The following ADAMTS15 variants were observed in gnomAD, a reference collection of about 807,000 sequenced individuals.
The protein encoded by ADAMTS15 is A disintegrin and metalloproteinase with thrombospondin motifs 15.
Under a neutral mutation model 79.1 loss-of-function variants are expected in ADAMTS15, and 35 were observed. The ratio of observed to expected loss-of-function variants is 0.44; its 90% CI spans 0.34 to 0.59. The LOEUF (loss-of-function observed/expected upper bound fraction) is 0.59. Among genes scored for constraint, ADAMTS15 ranks in the 20% least tolerant of loss-of-function variants. The pLI, the probability that ADAMTS15 is intolerant of heterozygous loss-of-function variation, is 0.02. For missense variants in ADAMTS15, 1,324 were observed against 1,318.7 expected, an observed-to-expected ratio of 1.00 and a Z score of -0.06; for synonymous variants, 616 against 567.3, an observed-to-expected ratio of 1.09 and a Z score of -1.22.
At chr11:130,459,986 GTAA>G (rs1938165295) in intron 1 of ADAMTS15, among the ~76,000 whole-genome samples, 1 of 152,220 alleles carries the variant, frequency 6.6e-6, no homozygotes, top group South Asian at 2.1e-4. Context: ...GAAGGTGGTA[GTAA>G]TAGTCGTTAT....
chr11:130,473,318 C>G lies in ADAMTS15; in HGVS notation c.2350C>G (p.Leu784Val). 1 of 1,613,102 alleles carries G rather than the reference C, an allele frequency of 6.2e-7. No individual in the cohort carries two copies. Among genetic ancestry groups the G allele is most frequent in the Non-Finnish European group, 8.5e-7 (1 of 1,179,998 alleles). Residue 784 changes from leucine to valine, a missense_variant, in exon 8 of 8, where the codon CTC becomes GTC. By Grantham distance (32) the Leu-to-Val change is conservative (BLOSUM62 1). Coordinates refer to ENST00000299164, the MANE Select transcript of ADAMTS15 (RefSeq NM_139055.4). ...PILEPLTVEVLSVGKMTPPRV... is the reference protein window; with the variant it reads ...PILEPLTVEVVSVGKMTPPRV... ...CCTGGAGCCGCTGACCGTGGAGGTCCTCTCCGTGGGGAAGATGACACCGCC... is the reference window on the plus strand; with the variant it reads ...CCTGGAGCCGCTGACCGTGGAGGTCGTCTCCGTGGGGAAGATGACACCGCC...
intron 1 of ADAMTS15, among the ~76,000 whole-genome samples, chr11:130,456,559 C>T (rs1171077892): frequency 6.6e-6 from 1 of 152,128 alleles, no homozygotes; most frequent in Non-Finnish European, 1.5e-5. Flanking sequence ...TTGGGCTGGA[C>T]AAGGAAATAC....
At chr11:130,469,135 A>G (rs903530569) in intron 4 of ADAMTS15, 127 bp from the exon 5 acceptor site, 5 of 940,860 alleles carry the variant, frequency 5.3e-6, no homozygotes, top group African/African-American at 1.7e-5. Flanking sequence ...TTCATGATAC[A>G]ACATTAATTT....
chr11:130,464,515 C>T (rs1384782156), intron 4 of ADAMTS15, among the ~76,000 whole-genome samples: 2 of 152,204 alleles, frequency 1.3e-5, no homozygotes, highest in African/African-American at 4.8e-5. Flanking sequence ...ATTACTCCCT[C>T]TGGGTTTTGG....
At chr11:130,451,352 A>C in intron 1 of ADAMTS15, among the ~76,000 whole-genome samples, 1 of 152,138 alleles carries the variant, frequency 6.6e-6, no homozygotes, top group East Asian at 1.9e-4. Context: ...CCCTTCCTGG[A>C]GTCGAACTTC....
rs1332720604 is a variant in ADAMTS15, at chr11:130,462,603, C to T, written c.1365C>T (p.Gly455=). ...SQQCELAFGV[G]SKPCPYMQYC... ...AGTGCGAGCTGGCTTTTGGCGTGGG[C>T]TCCAAGCCCTGTCCTTACATGCAGT... Residue 455 remains glycine, a synonymous_variant, in exon 4 of 8, where the codon GGC becomes GGT. Transcript: ENST00000299164. The surrounding 1 kb of genome is among the most constrained non-coding windows in gnomAD (Gnocchi z 4.3). 1.2e-6 allele frequency: 2 copies of T among 1,613,900 alleles called. No homozygotes were observed. The highest frequency in any genetic ancestry group is 1.7e-6 in the Non-Finnish European group (2 of 1,179,910).
intron 1 of ADAMTS15, among the ~76,000 whole-genome samples, chr11:130,458,536 G>C (rs1938134536): frequency 6.6e-6 from 1 of 151,400 alleles, no homozygotes; most frequent in Non-Finnish European, 1.5e-5. Context: ...TAACCTACAG[G>C]GCCAGAAGGG....
intron 4 of ADAMTS15, among the ~76,000 whole-genome samples, chr11:130,466,735 A>G (rs571369858): frequency 1.3e-5 from 2 of 152,330 alleles, no homozygotes; most frequent in Non-Finnish European, 2.9e-5. Context: ...TTCTCTGCTC[A>G]GCACCCTTTA....
intron 1 of ADAMTS15, among the ~76,000 whole-genome samples, chr11:130,458,460 A>G (rs1428788237): frequency 6.6e-6 from 1 of 152,226 alleles, no homozygotes. Context: ...CAACTACATG[A>G]CTTGGGTCAG....
chr11:130,467,091 C>T (rs1277705861), intron 4 of ADAMTS15, among the ~76,000 whole-genome samples: 2 of 152,166 alleles, frequency 1.3e-5, no homozygotes, highest in Admixed American at 6.5e-5. Flanking sequence ...GTGAATGGCA[C>T]AGGGCGGGAG....
At chr11:130,469,174 G>A in intron 4 of ADAMTS15, 88 bp from the exon 5 acceptor site, 7 of 1,199,766 alleles carry the variant, frequency 5.8e-6, no homozygotes, top group Non-Finnish European at 7.6e-6. Context: ...TGAGAACTTG[G>A]AGGCTGTACA....
chr11:130,467,921 A>C (rs893990353), intron 4 of ADAMTS15, among the ~76,000 whole-genome samples: 3 of 152,304 alleles, frequency 2.0e-5, no homozygotes, highest in Admixed American at 1.3e-4. Context: ...ACTTTCTCAA[A>C]TACAGCCCCT....
rs768710834 is a variant in ADAMTS15 at position 130,449,027 on chromosome 11, C to G, written c.54C>G (p.Gly18=). 1 of 1,525,522 alleles carries G rather than the reference C, an allele frequency of 6.6e-7. No homozygotes were observed. The allele number at this position is 1,525,522 out of a possible 1,614,324, so 94.5% of individuals were successfully genotyped here. The change falls in exon 1 of 8, where the codon GGC becomes GGG. Residue 18 remains glycine (G), a synonymous_variant. Coordinates refer to ENST00000299164, the MANE Select transcript of ADAMTS15 (RefSeq NM_139055.4). This position sits in a 1 kb window ranked among gnomAD's most constrained non-coding sequence, Gnocchi z 7.8. ...TLAFAGRTAG[G]SEPEREVVVP... ...CTTTCGCCGGGCGAACCGCTGGAGG[C>G]TCTGAGCCAGAGCGGGAGGTAGTCG... is the stretch of plus-strand genomic sequence containing the variant.
chr11:130,455,840 C>CGGT (rs1414621855), intron 1 of ADAMTS15, among the ~76,000 whole-genome samples: 5 of 152,164 alleles, frequency 3.3e-5, no homozygotes, highest in Admixed American at 6.5e-5. Context: ...GTGGCGCAGA[C>CGGT]GGTGCACTCA....
chr11:130,451,846 G>A, intron 1 of ADAMTS15, among the ~76,000 whole-genome samples: 1 of 152,208 alleles, frequency 6.6e-6, no homozygotes. Context: ...TCAGTGGTGT[G>A]TGCTCAACCC....
At chr11:130,469,531 TCC>T in intron 5 of ADAMTS15, 92 bp downstream of exon 5, 3 of 1,023,162 alleles carry the variant, frequency 2.9e-6, no homozygotes, top group Non-Finnish European at 3.8e-6. Flanking sequence ...ATGCATGGCC[TCC>T]AGGTAATTGG....
At chr11:130,469,486 C>A in intron 5 of ADAMTS15, 47 bp downstream of exon 5, 1 of 1,284,578 alleles carries the variant, frequency 7.8e-7, no homozygotes, top group Non-Finnish European at 9.9e-7. Context: ...GGAGGTGAGG[C>A]TGGAGGTCCC....
chr11:130,460,772 G>T (rs1938182508), intron 1 of ADAMTS15, among the ~76,000 whole-genome samples: 1 of 152,198 alleles, frequency 6.6e-6, no homozygotes, highest in Non-Finnish European at 1.5e-5. Context: ...TTCTGCTGGA[G>T]GCCCTAGGTT....
chr11:130,473,527 G>A lies in ADAMTS15; in HGVS notation c.2559G>A (p.Ala853=), dbSNP rs372169283. 2.9e-5 allele frequency: 47 copies of A among 1,607,608 alleles called. No homozygotes were observed. The Admixed American group carries it at 4.3e-4, about 15-fold the overall frequency. Residue 853 remains alanine (A), a synonymous_variant, in exon 8 of 8, where the codon GCG becomes GCA. Coordinates refer to ENST00000299164, the MANE Select transcript of ADAMTS15 (RefSeq NM_139055.4). ...CTGGCAGCTGGGGGCCGTGCTCCGC[G>A]AGCTGCGGCAGTGGCCTGCAGAAGC... The part of the protein sequence containing the change: ...WVAGSWGPCS[A]SCGSGLQKRA...
Sources: gnomAD v4.1 joint callset for allele counts (sites outside exome capture counted in the v4.1 genomes callset) on GRCh38, gnomAD v4.1.1 for gene constraint, Gnocchi (gnomAD v3.1) non-coding constraint, MANE v1.5 for transcripts, NCBI Gene and HGNC (gene_info 2026-07-23, HGNC 2026-07-21) for gene names.